Variants in TRPM4 observed in about 807,000 individuals in gnomAD.
TRPM4 encodes the protein calcium-activated non-selective cation channel 1.
In TRPM4, 124 loss-of-function variants were observed where a neutral mutation model predicts 135.6. That is an observed-to-expected ratio of 0.91 (90% CI 0.79 to 1.06). The LOEUF is 1.06. Ranked by LOEUF, TRPM4 falls within the 50% of genes least tolerant of loss-of-function variation. TRPM4 has a pLI of 0.00. For missense variants in TRPM4, 1,658 were observed against 1,671.4 expected (o/e 0.99, Z 0.14); for synonymous variants, 745 against 705.6 (o/e 1.06, Z -0.88).
intron 16 of TRPM4, among the ~76,000 whole-genome samples, chr19:49,194,497 G>A (rs748354245): frequency 3.3e-5 from 5 of 151,910 alleles, no homozygotes; most frequent in Non-Finnish European, 5.9e-5. Context: ...TTCCCACCTC[G>A]GCTTCCCAAA....
chr19:49,165,973 G>T, intron 2 of TRPM4, 68 bp from the exon 3 acceptor site: 1 of 1,487,168 alleles, frequency 6.7e-7, no homozygotes, highest in South Asian at 1.2e-5. Flanking sequence ...ACAGGAGCAT[G>T]AACACGCTGA....
intron 12 of TRPM4, 47 bp from the exon 13 acceptor site, chr19:49,188,594 C>A: frequency 2.5e-6 from 4 of 1,614,014 alleles, no homozygotes; most frequent in Non-Finnish European, 3.4e-6. Context: ...CTTCCTCCCC[C>A]TCTATGAACC....
chr19:49,194,044 G>A (rs1228437753), intron 16 of TRPM4, among the ~76,000 whole-genome samples: 6 of 93,144 alleles, frequency 6.4e-5, no homozygotes, highest in East Asian at 3.1e-4. Flanking sequence ...CTGCTCCTCC[G>A]CCTTCTCCTC....
At position 49,196,761 on chromosome 19, in the gene TRPM4, C is replaced by T. The variant is rs1340599768; in HGVS notation, c.2532C>T (p.Gly844=). The T allele has an allele frequency of 1.3e-6, 2 of 1,551,552 alleles. No individual in the cohort carries two copies. The highest frequency in any genetic ancestry group is 2.7e-5 in the African/African-American group (2 of 73,470). ...GCGGGGGCAGCCTCGCCAGCGGGGG[C>T]CCCGGGCCTGGCCATGCCTCACTGA... ...SGGGGSLASG[G]PGPGHASLSQ... Residue 844 remains glycine (G), a synonymous_variant, in exon 17 of 25, where the codon GGC becomes GGT. Coordinates refer to ENST00000252826, the MANE Select transcript of TRPM4 (RefSeq NM_017636.4).
chr19:49,167,968 A>G lies in TRPM4; in HGVS notation c.319A>G (p.Thr107Ala). 1 of 1,614,086 alleles carries G rather than the reference A, an allele frequency of 6.2e-7. No individual in the cohort carries two copies. Among genetic ancestry groups the G allele is most frequent in the Non-Finnish European group, 8.5e-7 (1 of 1,180,032 alleles). ...TDPAAVYSLV[T>A]RTWGFRAPNL... ...TCCAGCTGCAGTTTATAGTCTGGTC[A>G]CACGCACATGGGGCTTCCGTGCCCC... The change falls in exon 4 of 25, where the codon ACA (threonine) becomes GCA (alanine). Residue 107 changes from threonine (T) to alanine (A), a missense_variant. Transcript: ENST00000252826.
At chr19:49,202,651 G>T (rs1968978405) in intron 20 of TRPM4, among the ~76,000 whole-genome samples, 1 of 151,692 alleles carries the variant, frequency 6.6e-6, no homozygotes, top group Non-Finnish European at 1.5e-5. Flanking sequence ...GAGTGTAGTG[G>T]CAAGTTCTCA....
chr19:49,184,641 A>C (rs572464403), intron 12 of TRPM4, among the ~76,000 whole-genome samples: 3 of 150,850 alleles, frequency 2.0e-5, no homozygotes, highest in Admixed American at 6.6e-5. Context: ...CACCACGCCC[A>C]GCTAATTTTT....
chr19:49,180,412 C>T (rs574419626), intron 9 of TRPM4, among the ~76,000 whole-genome samples: 9 of 148,362 alleles, frequency 6.1e-5, no homozygotes, highest in Admixed American at 2.0e-4. Context: ...GAGTGACTCA[C>T]GTTTGTCATC....
At chr19:49,175,873 C>T (rs989372676) in intron 9 of TRPM4, among the ~76,000 whole-genome samples, 16 of 150,320 alleles carry the variant, frequency 1.1e-4, no homozygotes, top group African/African-American at 2.9e-4. Flanking sequence ...GTGATCCACC[C>T]GCCTCGGCCT....
At chr19:49,203,504 C>A (rs1969031720) in intron 20 of TRPM4, among the ~76,000 whole-genome samples, 1 of 152,132 alleles carries the variant, frequency 6.6e-6, no homozygotes. Context: ...TTTAAGTGTA[C>A]AAGTCAGTGA....
chr19:49,191,496 G>A (rs977282456), intron 16 of TRPM4, among the ~76,000 whole-genome samples: 11 of 151,140 alleles, frequency 7.3e-5, no homozygotes, highest in African/African-American at 1.9e-4. Context: ...GTGAGCCACC[G>A]GGCCCAGCCA....
Position 49,196,733 on chromosome 19 carries a change from G to A in TRPM4, c.2504G>A (p.Gly835Glu). 1 of 1,551,530 alleles carries A rather than the reference G, an allele frequency of 6.4e-7. No homozygotes were observed. Among genetic ancestry groups the A allele is most frequent in the Middle Eastern group, 1.7e-4 (1 of 5,980 alleles). Residue 835 changes from glycine to glutamate, a missense_variant, in exon 17 of 25, where the codon GGA becomes GAA. Transcript: ENST00000252826. Reference sequence around the variant, plus strand: ...GAGGAACTGCGCCAGGGCCTGAGCGGAGGCGGGGGCAGCCTCGCCAGCGGG... The same window carrying A: ...GAGGAACTGCGCCAGGGCCTGAGCGAAGGCGGGGGCAGCCTCGCCAGCGGG... ...LCEELRQGLS[G>E]GGGSLASGGP...
intron 9 of TRPM4, among the ~76,000 whole-genome samples, chr19:49,174,193 C>T (rs1967584209): frequency 6.6e-6 from 1 of 152,110 alleles, no homozygotes. Context: ...TGCTCTGTCG[C>T]CCAGGCTGGA....
Position 49,166,070 on chromosome 19 carries a change from G to T in TRPM4, c.122G>T (p.Arg41Leu). 1 of 1,600,720 alleles carries T rather than the reference G, an allele frequency of 6.2e-7. No homozygotes were observed. Residue 41 changes from arginine to leucine, a missense_variant, in exon 3 of 25, where the codon CGG becomes CTG. Around this residue, in one of 3 missense-constraint regions of TRPM4, gnomAD observed 239 missense variants for 240.1 expected, o/e 1.00. Transcript: ENST00000252826. ...GGTLCQCGRP[R>L]TAHPAVAMED... Reference sequence around the variant, plus strand: ...ACCTTGTGCCAGTGTGGGCGCCCCCGGACCGCCCACCCCGCAGTGGCCATG... The same window carrying T: ...ACCTTGTGCCAGTGTGGGCGCCCCCTGACCGCCCACCCCGCAGTGGCCATG...
chr19:49,211,059 A>C lies in TRPM4; in HGVS notation c.3506A>C (p.Glu1169Ala), dbSNP rs761598167. 1.9e-6 allele frequency: 3 copies of C among 1,614,010 alleles called. No homozygotes were observed. Among genetic ancestry groups the C allele is most frequent in the Non-Finnish European group, 2.5e-6 (3 of 1,180,010 alleles). Reference sequence around the variant, plus strand: ...CAGCTGGGACACATCCGCGAGTACGAACAGCGCCTGAAAGTGCTGGAGCGG... The same window carrying C: ...CAGCTGGGACACATCCGCGAGTACGCACAGCGCCTGAAAGTGCTGGAGCGG... ...LKQLGHIREY[E>A]QRLKVLEREV... The change falls in exon 23 of 25, where the codon GAA (glutamate) becomes GCA (alanine). Residue 1169 changes from glutamate (E) to alanine (A), a missense_variant. Glu to Ala is a moderately radical substitution (Grantham distance 107, BLOSUM62 -1). This residue lies in a region of TRPM4 where 1,412 missense variants were observed against 1,408.7 expected (regional missense o/e 1.00). Transcript: ENST00000252826. The surrounding 1 kb of genome is among the most constrained non-coding windows in gnomAD (Gnocchi z 4.8).
At chr19:49,164,516 T>G (rs1035150131) in intron 2 of TRPM4, among the ~76,000 whole-genome samples, 6 of 150,348 alleles carry the variant, frequency 4.0e-5, no homozygotes, top group African/African-American at 1.5e-4. Flanking sequence ...GTAGCTGGGA[T>G]TACAGGCACC....
rs1354321312 is a variant in TRPM4 at position 49,173,416 on chromosome 19, CCCAT to C, written c.1150+1314_1150+1317del. ...CATCTTCCATCCATTTACCCATCTACCCATCCATCTTTTCATTCATCCATCCAAC... is the reference window on the plus strand; with the variant it reads ...CATCTTCCATCCATTTACCCATCTACCCATCTTTTCATTCATCCATCCAAC... On this transcript the variant is annotated intron_variant, in intron 9 of 24. Coordinates refer to ENST00000252826, the MANE Select transcript of TRPM4 (RefSeq NM_017636.4). 3.9e-5 allele frequency among the ~76,000 whole-genome samples: 6 copies of C among 152,338 alleles called. No homozygotes were observed. In the East Asian group the frequency reaches 1.2e-3, roughly 29 times the overall value.
intron 2 of TRPM4, among the ~76,000 whole-genome samples, chr19:49,163,906 T>C (rs1036215912): frequency 6.6e-6 from 1 of 152,176 alleles, no homozygotes; most frequent in African/African-American, 2.4e-5. Flanking sequence ...GTCGGTAAAC[T>C]GAGGCATGCC....
chr19:49,197,729 C>T (rs1968751270), intron 17 of TRPM4, among the ~76,000 whole-genome samples: 1 of 151,296 alleles, frequency 6.6e-6, no homozygotes, highest in Non-Finnish European at 1.5e-5. Context: ...GTCGCCCAGA[C>T]TGGAGTGCAG....
Sources: allele counts gnomAD v4.1 joint callset (sites outside exome capture counted in the v4.1 genomes callset), GRCh38; gene constraint gnomAD v4.1.1; regional missense constraint gnomAD v4.1.1; non-coding constraint Gnocchi (gnomAD v3.1); transcripts MANE v1.5; gene names NCBI Gene and HGNC (gene_info 2026-07-23, HGNC 2026-07-21).